Variants in WWP2 observed in about 807,000 individuals in gnomAD.
The protein encoded by WWP2 is NEDD4-like E3 ubiquitin-protein ligase WWP2.
In WWP2, 57 loss-of-function variants were observed where a neutral mutation model predicts 121.0. The observed-to-expected ratio is 0.47, with a 90% CI of 0.38 to 0.59. The LOEUF is 0.59. Ranked by LOEUF, WWP2 falls within the 20% of genes least tolerant of loss-of-function variation. The pLI is 0.00. For missense variants in WWP2, 962 were observed against 1,158.9 expected, an observed-to-expected ratio of 0.83 and a Z score of 2.47; for synonymous variants, 449 against 441.3, an observed-to-expected ratio of 1.02 and a Z score of -0.22.
At chr16:69,916,421 A>G (rs1055094184) in intron 9 of WWP2, among the ~76,000 whole-genome samples, 3 of 152,180 alleles carry the variant, frequency 2.0e-5, no homozygotes, top group African/African-American at 7.2e-5. Flanking sequence ...AGGCTGGTCA[A>G]TTGAAGTTTT....
intron 1 of WWP2, among the ~76,000 whole-genome samples, chr16:69,773,099 A>G (rs2055451566): frequency 6.6e-6 from 1 of 151,944 alleles, no homozygotes; most frequent in Admixed American, 6.6e-5. Flanking sequence ...GGAAGACGCT[A>G]GTGTCGCTAC....
chr16:69,763,160 A>T (rs1477683979), intron 1 of WWP2, among the ~76,000 whole-genome samples: 1 of 152,252 alleles, frequency 6.6e-6, no homozygotes, highest in African/African-American at 2.4e-5. Flanking sequence ...TACCTCAGCA[A>T]CATAGTGACT....
intron 8 of WWP2, among the ~76,000 whole-genome samples, chr16:69,904,343 GAGA>G (rs1019879737): frequency 3.3e-5 from 5 of 151,892 alleles, no homozygotes; most frequent in Non-Finnish European, 7.4e-5. Flanking sequence ...CATTCAGAGG[GAGA>G]AGATCTTTAA....
At position 69,937,442 on chromosome 16, in the gene WWP2, A is replaced by C; in HGVS notation, c.2239-106A>C. 7.2e-7 allele frequency: 1 copy of C among 1,390,664 alleles called. No individual in the cohort carries two copies. The highest frequency in any genetic ancestry group is 2.3e-5 in the East Asian group (1 of 42,828). 86.1% of individuals were successfully genotyped at this position (1,390,664 alleles called of 1,614,324 possible). On this transcript the variant is annotated intron_variant, in intron 20 of 23. Transcript: ENST00000359154. This position sits in a 1 kb window ranked among gnomAD's most constrained non-coding sequence, Gnocchi z 6.6. ...CATTACCCATATTATTAACGCTGACACCAAAAATAGCTAGTTGAATATGTT... is the reference window on the plus strand; with the variant it reads ...CATTACCCATATTATTAACGCTGACCCCAAAAATAGCTAGTTGAATATGTT...
intron 1 of WWP2, among the ~76,000 whole-genome samples, chr16:69,769,151 A>G (rs1407686406): frequency 1.3e-5 from 2 of 152,050 alleles, no homozygotes; most frequent in East Asian, 1.9e-4. Flanking sequence ...ACCCATCTCT[A>G]CTAAAAATAC....
chr16:69,798,054 T>C (rs1487088041), intron 2 of WWP2, among the ~76,000 whole-genome samples: 1 of 152,162 alleles, frequency 6.6e-6, no homozygotes, highest in Non-Finnish European at 1.5e-5. Flanking sequence ...TTTTAACCCA[T>C]GGATTTGCAA....
intron 2 of WWP2, among the ~76,000 whole-genome samples, chr16:69,795,687 T>C (rs2056024242): frequency 7.7e-6 from 1 of 129,898 alleles, no homozygotes; most frequent in Admixed American, 8.4e-5. Flanking sequence ...TGAGAGTCTC[T>C]CTCCATCACC....
intron 17 of WWP2, 104 bp downstream of exon 17, chr16:69,934,233 G>C (rs1408598309): frequency 3.5e-6 from 5 of 1,431,914 alleles, no homozygotes; most frequent in Non-Finnish European, 4.8e-6. Flanking sequence ...CTCTTTCTCT[G>C]AGACCTCCAG....
intron 6 of WWP2, among the ~76,000 whole-genome samples, chr16:69,857,423 G>A (rs2057337457): frequency 6.6e-6 from 1 of 152,084 alleles, no homozygotes; most frequent in Non-Finnish European, 1.5e-5. Context: ...TGTTTGGTCT[G>A]CCTTTTCAAG....
chr16:69,856,204 A>T (rs759083316), intron 6 of WWP2, among the ~76,000 whole-genome samples: 10 of 152,234 alleles, frequency 6.6e-5, no homozygotes, highest in Non-Finnish European at 1.3e-4. Context: ...GAAGCCAGAC[A>T]TAGAAGCTTA....
At chr16:69,764,008 G>A (rs996673475) in intron 1 of WWP2, among the ~76,000 whole-genome samples, 7 of 152,096 alleles carry the variant, frequency 4.6e-5, no homozygotes, top group Admixed American at 2.0e-4. Flanking sequence ...TACAAAGAGC[G>A]TATACCAACA....
At chr16:69,899,721 C>T (rs540187827) in intron 8 of WWP2, among the ~76,000 whole-genome samples, 37 of 89,142 alleles carry the variant, frequency 4.2e-4, no homozygotes, top group African/African-American at 1.8e-3. Flanking sequence ...AGTGAGACTC[C>T]GTCTCAAAAA....
chr16:69,840,837 A>G (rs1486757107), intron 5 of WWP2, among the ~76,000 whole-genome samples: 1 of 152,240 alleles, frequency 6.6e-6, no homozygotes, highest in African/African-American at 2.4e-5. Flanking sequence ...GGGTTTCTCC[A>G]TAATTTTTCT....
chr16:69,913,867 C>T (rs1468121817), intron 9 of WWP2, among the ~76,000 whole-genome samples: 1 of 151,414 alleles, frequency 6.6e-6, no homozygotes, highest in Non-Finnish European at 1.5e-5. Flanking sequence ...ATCAGAAGTT[C>T]GAGACCAGCC....
chr16:69,927,849 A>T (rs546820099), intron 11 of WWP2, among the ~76,000 whole-genome samples: 1 of 152,240 alleles, frequency 6.6e-6, no homozygotes, highest in South Asian at 2.1e-4. Context: ...CAAAATAGAG[A>T]TGAAGTCTCG....
intron 4 of WWP2, among the ~76,000 whole-genome samples, chr16:69,813,578 T>C (rs763676700): frequency 6.6e-6 from 1 of 152,256 alleles, no homozygotes; most frequent in Non-Finnish European, 1.5e-5. Flanking sequence ...TCCCCCCACC[T>C]CAGCCTCCAG....
chr16:69,876,397 C>T (rs1173533634), intron 7 of WWP2, among the ~76,000 whole-genome samples: 2 of 149,228 alleles, frequency 1.3e-5, no homozygotes, highest in East Asian at 4.0e-4. Context: ...TGCAGTCTCA[C>T]TCTGTTGCCT....
intron 8 of WWP2, among the ~76,000 whole-genome samples, chr16:69,901,908 A>G (rs986326053): frequency 2.6e-5 from 4 of 152,158 alleles, no homozygotes; most frequent in Non-Finnish European, 4.4e-5. Context: ...TTGAGATTGC[A>G]CCACTGCACT....
intron 4 of WWP2, among the ~76,000 whole-genome samples, chr16:69,804,402 T>C (rs1010950420): frequency 6.6e-6 from 1 of 152,238 alleles, no homozygotes; most frequent in Non-Finnish European, 1.5e-5. Flanking sequence ...AATTCATTTT[T>C]TTCCCTAATA....
Sources: allele counts gnomAD v4.1 joint callset (sites outside exome capture counted in the v4.1 genomes callset), GRCh38; gene constraint gnomAD v4.1.1; non-coding constraint Gnocchi (gnomAD v3.1); transcripts MANE v1.5; gene names NCBI Gene and HGNC (gene_info 2026-07-23, HGNC 2026-07-21).